Variants in DIP2C observed in about 807,000 individuals in gnomAD.
DIP2C encodes disco-interacting protein 2 homolog C.
A neutral mutation model predicts 192.4 loss-of-function variants in DIP2C; 33 were observed. The ratio of observed to expected loss-of-function variants is 0.17; its 90% CI spans 0.13 to 0.23. DIP2C has a LOEUF of 0.23. DIP2C is among the 10% of genes least tolerant of loss of function. The probability of loss-of-function intolerance (pLI) is 1.00; values close to 1 mark genes in which losing one functional copy is unlikely to be tolerated. For synonymous variants in DIP2C, 979 were observed against 864.1 expected (o/e 1.13, Z -2.33); for missense variants, 1,537 against 2,110.1 (o/e 0.73, Z 5.32).
chr10:519,118 G>T (rs1185773048), intron 1 of DIP2C, among the ~76,000 whole-genome samples: 1 of 152,212 alleles, frequency 6.6e-6, no homozygotes, highest in African/African-American at 2.4e-5. Flanking sequence ...CATTAGGGGT[G>T]AGCCCAGCTG....
intron 17 of DIP2C, among the ~76,000 whole-genome samples, chr10:373,126 T>C (rs1169834363): frequency 6.6e-6 from 1 of 152,224 alleles, no homozygotes; most frequent in Non-Finnish European, 1.5e-5. Context: ...ACCCAGAGCA[T>C]AGCCCCTGCT....
At chr10:535,708 T>G (rs899601596) in intron 1 of DIP2C, among the ~76,000 whole-genome samples, 1 of 152,182 alleles carries the variant, frequency 6.6e-6, no homozygotes, top group African/African-American at 2.4e-5. Context: ...AAAAACTGTA[T>G]GTGGGCTATG....
chr10:387,409 G>T (rs573301915), intron 14 of DIP2C, among the ~76,000 whole-genome samples: 2 of 152,204 alleles, frequency 1.3e-5, no homozygotes, highest in African/African-American at 2.4e-5. Flanking sequence ...GGCAAATCTA[G>T]GCATTTGTAT....
At chr10:320,090 G>C (rs988999509) in intron 31 of DIP2C, among the ~76,000 whole-genome samples, 1 of 152,224 alleles carries the variant, frequency 6.6e-6, no homozygotes, top group South Asian at 2.1e-4. Context: ...AACAGTTACA[G>C]ATGGCATATG....
In DIP2C at chr10:369,565, A is replaced by G; in HGVS notation, c.2060T>C (p.Val687Ala). The G allele has an allele frequency of 6.2e-7, 1 of 1,603,524 alleles. No homozygotes were observed. The highest frequency in any genetic ancestry group is 1.7e-5 in the Admixed American group (1 of 59,270). ...CTTCTCTTCCGAGTCCACACGAATG[A>G]CCCCATAGGTCAGTCCATGCATGGA... ...VLSMHGLTYG[V>A]IRVDSEEKLS... is the part of the protein sequence containing the mutation. The change falls in exon 18 of 37, where the codon GTC becomes GCC. Residue 687 changes from valine (V) to alanine (A), a missense_variant. Physicochemically the swap from Val to Ala is moderately conservative, Grantham distance 64. Coordinates refer to ENST00000280886, the MANE Select transcript of DIP2C (RefSeq NM_014974.3).
At chr10:284,089 G>A (rs555008606) in intron 34 of DIP2C, among the ~76,000 whole-genome samples, 5 of 152,156 alleles carry the variant, frequency 3.3e-5, no homozygotes, top group Admixed American at 6.5e-5. Context: ...AGATGCCCAC[G>A]CAGCTGTGCC....
chr10:672,154 G>GCCACAGACGCATGGACGGAGGAAACA (rs1588741198), intron 1 of DIP2C, among the ~76,000 whole-genome samples: 1 of 150,822 alleles, frequency 6.6e-6, no homozygotes, highest in Non-Finnish European at 1.5e-5. Context: ...GAGGAAACAG[G>GCCACAGACGCATGGACGGAGGAAACA]CCACAGACGC....
chr10:414,703 A>ATGTGTGTG (rs1491313586), intron 7 of DIP2C, among the ~76,000 whole-genome samples: 1 of 86,376 alleles, frequency 1.2e-5, no homozygotes, highest in African/African-American at 5.0e-5. Context: ...TAGAGTGTGT[A>ATGTGTGTG]TGTATGTGTG....
intron 1 of DIP2C, among the ~76,000 whole-genome samples, chr10:505,731 T>C (rs1408151539): frequency 3.2e-5 from 4 of 125,922 alleles, no homozygotes; most frequent in African/African-American, 1.2e-4. Context: ...CAGCTATATT[T>C]CCTCTGGGTG....
intron 32 of DIP2C, among the ~76,000 whole-genome samples, chr10:290,431 A>G (rs958901205): frequency 2.0e-5 from 3 of 152,218 alleles, no homozygotes; most frequent in Non-Finnish European, 4.4e-5. Context: ...TGCAACACAA[A>G]TGTGCTCTCC....
chr10:443,147 A>G (rs1265113725), intron 3 of DIP2C, among the ~76,000 whole-genome samples: 1 of 152,182 alleles, frequency 6.6e-6, no homozygotes, highest in Non-Finnish European at 1.5e-5. Context: ...TACTACTCAC[A>G]TTGCAATTAA....
intron 3 of DIP2C, among the ~76,000 whole-genome samples, chr10:461,923 A>G (rs1969812551): frequency 6.6e-6 from 1 of 152,220 alleles, no homozygotes; most frequent in East Asian, 1.9e-4. Context: ...CCTGCTCCTG[A>G]ATGACTACTG....
intron 1 of DIP2C, among the ~76,000 whole-genome samples, chr10:659,324 AG>A (rs1856610197): frequency 6.6e-6 from 1 of 152,234 alleles, no homozygotes; most frequent in South Asian, 2.1e-4. Flanking sequence ...TACAGTACCA[AG>A]ACACATACAT....
At position 459,831 on chromosome 10, in the gene DIP2C, G is replaced by A. The variant is rs565247319; in HGVS notation, c.268+12608C>T. Among the ~76,000 whole-genome samples, 103 of 141,480 alleles carry A rather than the reference G, an allele frequency of 7.3e-4. 1 individual carries two copies. Among genetic ancestry groups the A allele is most frequent in the Non-Finnish European group, 1.1e-3 (75 of 67,208 alleles). 92.8% of individuals were successfully genotyped at this position (141,480 alleles called of 152,430 possible). ...TCCCACAGCCACATCAGGGAACTGCGTGCTGCACGTAGGCTCTAGGATCTT... is the reference window on the plus strand; with the variant it reads ...TCCCACAGCCACATCAGGGAACTGCATGCTGCACGTAGGCTCTAGGATCTT... On this transcript the variant is annotated intron_variant, in intron 3 of 36. Transcript: ENST00000280886.
At chr10:568,007 C>T (rs979148405) in intron 1 of DIP2C, among the ~76,000 whole-genome samples, 2 of 152,214 alleles carry the variant, frequency 1.3e-5, no homozygotes, top group South Asian at 4.1e-4. Flanking sequence ...CTTCCCACAC[C>T]GACTACAACA....
rs117634890 is a variant in DIP2C at position 683,937 on chromosome 10, T to C, written c.85+5557A>G. Among the ~76,000 whole-genome samples, 323 of 152,266 alleles carry C rather than the reference T, an allele frequency of 2.1e-3. 1 individual carries two copies. Among genetic ancestry groups the C allele is most frequent in the Middle Eastern group, 6.8e-3 (2 of 294 alleles). On this transcript the variant is annotated intron_variant, in intron 1 of 36. Coordinates refer to ENST00000280886, the MANE Select transcript of DIP2C (RefSeq NM_014974.3). ...TAGCCTCGGAACCATAACAAGAATA[T>C]GAAACTAGCAAGTCCAGTGTGAGGC... is the stretch of plus-strand genomic sequence containing the variant.
intron 32 of DIP2C, among the ~76,000 whole-genome samples, chr10:294,382 G>C (rs1367723399): frequency 1.3e-5 from 2 of 152,148 alleles, no homozygotes; most frequent in East Asian, 1.9e-4. Context: ...TGAGGCAGGA[G>C]GATCACTTGA....
At chr10:522,066 G>A (rs1846744717) in intron 1 of DIP2C, among the ~76,000 whole-genome samples, 1 of 150,690 alleles carries the variant, frequency 6.6e-6, no homozygotes, top group African/African-American at 2.5e-5. Flanking sequence ...ACCCTAAACA[G>A]CCCCTATGCT....
At chr10:400,170 G>A (rs1338917342) in intron 9 of DIP2C, among the ~76,000 whole-genome samples, 1 of 150,448 alleles carries the variant, frequency 6.6e-6, no homozygotes, top group Non-Finnish European at 1.5e-5. Flanking sequence ...TTACAGGTGA[G>A]CACTACTGCA....
Sources: allele counts gnomAD v4.1 joint callset (sites outside exome capture counted in the v4.1 genomes callset), GRCh38; gene constraint gnomAD v4.1.1; transcripts MANE v1.5; gene names NCBI Gene and HGNC (gene_info 2026-07-23, HGNC 2026-07-21).